The following FMN1 variants were observed in gnomAD, a reference collection of about 807,000 sequenced individuals.
FMN1 encodes the protein formin-1.
FMN1 carries 110 observed loss-of-function variants against 132.4 expected under a neutral mutation model. The observed-to-expected ratio is 0.83, with a 90% confidence interval of 0.71 to 0.97. FMN1 has a LOEUF of 0.97. Ranked by LOEUF, FMN1 falls within the 50% of genes least tolerant of loss-of-function variation. The pLI is 0.00. For synonymous variants in FMN1, 722 were observed against 651.7 expected (o/e 1.11, Z -1.64); for missense variants, 1,792 against 1,705.3 (o/e 1.05, Z -0.90).
At chr15:32,775,958 T>C (rs560801714) in intron 20 of FMN1, among the ~76,000 whole-genome samples, 5 of 152,238 alleles carry the variant, frequency 3.3e-5, no homozygotes, top group East Asian at 1.9e-4. Flanking sequence ...CCATTCCCCA[T>C]TGCAGGGTCA....
rs745602152 is a variant in FMN1 at position 33,154,201 on chromosome 15, TGGGGGG to T, written c.708_713del (p.Cys236_Pro238delinsTer). The T allele has an allele frequency of 3.9e-6, 6 of 1,536,172 alleles. No individual in the cohort carries two copies. The South Asian group carries it at 4.8e-5, about 12-fold the overall frequency. ...CTGTGTCTGGCGTCTTGGGAATATC[TGGGGGG>T]CAGCTCTCTCTCCTCTGCAGGGAGC... On this transcript the variant is annotated stop_gained and inframe_deletion, in exon 4 of 21. Transcript: ENST00000616417. LOFTEE classifies it high-confidence loss of function.
At chr15:32,973,384 C>G (rs1167495083) in intron 7 of FMN1, among the ~76,000 whole-genome samples, 1 of 152,148 alleles carries the variant, frequency 6.6e-6, no homozygotes, top group Non-Finnish European at 1.5e-5. Context: ...GTTGCAAACA[C>G]TCAAGGTAGG....
chr15:32,786,223 G>A (rs143975205), intron 19 of FMN1, among the ~76,000 whole-genome samples: 36 of 152,240 alleles, frequency 2.4e-4, no homozygotes, highest in African/African-American at 7.0e-4. Context: ...ATACATGGAC[G>A]AACATGATAA....
intron 7 of FMN1, among the ~76,000 whole-genome samples, chr15:32,988,509 G>A (rs563090581): frequency 6.6e-6 from 1 of 152,284 alleles, no homozygotes; most frequent in African/African-American, 2.4e-5. Flanking sequence ...TGAGTTGAGT[G>A]ATGGTTTTTC....
intron 9 of FMN1, among the ~76,000 whole-genome samples, chr15:32,937,682 T>C (rs1043761777): frequency 6.6e-6 from 1 of 152,188 alleles, no homozygotes; most frequent in Non-Finnish European, 1.5e-5. Context: ...CATATGGACA[T>C]GTTGGTAGTG....
Position 32,905,208 on chromosome 15 carries a change from G to A in FMN1, c.3378-3168C>T, listed in dbSNP as rs115396899. ...CATCTACAGCAGCAACTCAGCTGAC[G>A]GGTGGAATGAAGCAATGTGGCTCAT... On this transcript the variant is annotated intron_variant, in intron 12 of 20. Transcript: ENST00000616417. Among the ~76,000 whole-genome samples the A allele has an allele frequency of 5.3e-3, 814 of 152,296 alleles. 12 individuals carry two copies. Among genetic ancestry groups the A allele is most frequent in the African/African-American group, 0.019 (773 of 41,550 alleles).
In FMN1 at chr15:32,984,879, A is replaced by G. The variant is rs561236646; in HGVS notation, c.2224-15402T>C. Among the ~76,000 whole-genome samples the G allele has an allele frequency of 3.1e-3, 468 of 151,594 alleles. 1 individual carries two copies. The highest frequency in any genetic ancestry group is 0.02 in the Middle Eastern group (6 of 294). The stretch of plus-strand genomic sequence containing the variant: ...CTGAAGTTTTGTTGACATTTTTTGC[A>G]AGCAATTTTTTAACATATTTATTGA... On this transcript the variant is annotated intron_variant, in intron 7 of 20. Transcript: ENST00000616417.
chr15:33,086,079 G>A (rs940187661), intron 5 of FMN1, among the ~76,000 whole-genome samples: 2 of 151,948 alleles, frequency 1.3e-5, no homozygotes, highest in African/African-American at 4.8e-5. Context: ...GTGAAACCCC[G>A]TTTCTACTGA....
chr15:33,066,670 A>C, intron 5 of FMN1: 1 of 1,613,764 alleles, frequency 6.2e-7, no homozygotes, highest in Non-Finnish European at 8.5e-7. Context: ...ATAGGGCTTT[A>C]AAAGCCTCCA....
At chr15:33,108,358 T>C (rs1187919280) in intron 4 of FMN1, among the ~76,000 whole-genome samples, 2 of 152,090 alleles carry the variant, frequency 1.3e-5, no homozygotes, top group African/African-American at 4.8e-5. Flanking sequence ...GTGTGAATCT[T>C]CTATCTACAT....
intron 3 of FMN1, among the ~76,000 whole-genome samples, chr15:33,165,251 T>C (rs1965051199): frequency 6.6e-6 from 1 of 152,160 alleles, no homozygotes; most frequent in Admixed American, 6.5e-5. Flanking sequence ...TGTGAACACA[T>C]TCTGTGGAGT....
intron 7 of FMN1, among the ~76,000 whole-genome samples, chr15:32,975,519 T>G (rs1377504270): frequency 2.6e-5 from 4 of 152,190 alleles, no homozygotes; most frequent in Non-Finnish European, 4.4e-5. Context: ...TGTCAACTGT[T>G]AGACATTACT....
In FMN1 at chr15:32,807,456, G is replaced by A. The variant is rs916832512; in HGVS notation, c.3929-3124C>T. Among the ~76,000 whole-genome samples the A allele has an allele frequency of 6.6e-5, 10 of 152,174 alleles. 1 individual carries two copies. Among genetic ancestry groups the A allele is most frequent in the Admixed American group, 5.9e-4 (9 of 15,272 alleles). On this transcript the variant is annotated intron_variant, in intron 17 of 20. Coordinates refer to ENST00000616417, the MANE Select transcript of FMN1 (RefSeq NM_001277313.2). The stretch of plus-strand genomic sequence containing the variant: ...TCCCCAAAATGTGAAACAAACTAGT[G>A]ATCTGTTCTTCTCCAGTGATTTTAA...
At chr15:32,960,628 T>C (rs2030404566) in intron 9 of FMN1, among the ~76,000 whole-genome samples, 1 of 152,160 alleles carries the variant, frequency 6.6e-6, no homozygotes, top group Admixed American at 6.5e-5. Context: ...TTTTCCCCTG[T>C]AATTTGCAGC....
chr15:33,059,178 A>G (rs935896106), intron 6 of FMN1, among the ~76,000 whole-genome samples: 4 of 152,206 alleles, frequency 2.6e-5, no homozygotes, highest in African/African-American at 7.2e-5. Context: ...TTCACATAGC[A>G]TAAGGTCCTC....
chr15:32,984,518 G>T (rs939207831), intron 7 of FMN1, among the ~76,000 whole-genome samples: 1 of 152,066 alleles, frequency 6.6e-6, no homozygotes, highest in Non-Finnish European at 1.5e-5. Flanking sequence ...CATGGGGAGA[G>T]AAAGAAACTC....
intron 3 of FMN1, among the ~76,000 whole-genome samples, chr15:33,157,426 C>T (rs148487840): frequency 2.0e-3 from 297 of 152,238 alleles, no homozygotes; most frequent in Non-Finnish European, 3.2e-3. Context: ...GGAATCAGTA[C>T]ATCTCCATTT....
intron 4 of FMN1, chr15:33,151,407 G>A: frequency 1.3e-6 from 2 of 1,535,380 alleles, no homozygotes; most frequent in Non-Finnish European, 1.7e-6. Context: ...GGAATGTTGA[G>A]TGATTGCACG....
chr15:33,027,733 A>G (rs1243843491), intron 6 of FMN1, among the ~76,000 whole-genome samples: 2 of 152,216 alleles, frequency 1.3e-5, no homozygotes, highest in East Asian at 3.8e-4. Context: ...GATAAACAAT[A>G]AAAGAACAAA....
Sources: allele counts gnomAD v4.1 joint callset (sites outside exome capture counted in the v4.1 genomes callset), GRCh38; gene constraint gnomAD v4.1.1; transcripts MANE v1.5; gene names NCBI Gene and HGNC (gene_info 2026-07-23, HGNC 2026-07-21).